KIAA1671: variants seen among roughly 807,000 people sequenced by gnomAD.
KIAA1671 encodes the protein KIAA1671, also known as uncharacterized protein KIAA1671.
KIAA1671 carries 52 observed loss-of-function variants against 131.2 expected under a neutral mutation model. That is an observed-to-expected ratio of 0.40 (90% CI 0.32 to 0.50). KIAA1671 has a LOEUF of 0.50. Among genes scored for constraint, KIAA1671 ranks in the 20% least tolerant of loss-of-function variants. KIAA1671 has a pLI of 0.73. For missense variants in KIAA1671, 2,360 were observed against 2,364.2 expected, an observed-to-expected ratio of 1.00 and a Z score of 0.04; for synonymous variants, 1,003 against 961.6, an observed-to-expected ratio of 1.04 and a Z score of -0.80.
intron 6 of KIAA1671, among the ~76,000 whole-genome samples, chr22:25,142,755 G>A (rs1460305591): frequency 3.3e-5 from 5 of 152,164 alleles, no homozygotes; most frequent in African/African-American, 9.7e-5. Context: ...TTCTGTAGTC[G>A]CTACTTGGGA....
intron 6 of KIAA1671, among the ~76,000 whole-genome samples, chr22:25,142,455 T>C (rs1007002914): frequency 2.1e-4 from 32 of 152,188 alleles, no homozygotes; most frequent in Non-Finnish European, 4.4e-5. Context: ...CCAGGATTTC[T>C]TGGCACCATC....
chr22:25,017,450 A>G (rs1925389687), intron 1 of KIAA1671, among the ~76,000 whole-genome samples: 1 of 152,170 alleles, frequency 6.6e-6, no homozygotes, highest in African/African-American at 2.4e-5. Flanking sequence ...GACATGGCAC[A>G]CTGGTGGGCA....
chr22:25,047,701 G>A (rs1927326247), intron 5 of KIAA1671, among the ~76,000 whole-genome samples: 2 of 152,224 alleles, frequency 1.3e-5, no homozygotes, highest in Admixed American at 1.3e-4. Context: ...TCAAACTCCT[G>A]ACCTCAGGTG....
intron 1 of KIAA1671, among the ~76,000 whole-genome samples, chr22:24,984,129 A>C (rs1275426352): frequency 2.0e-5 from 3 of 152,158 alleles, no homozygotes; most frequent in Admixed American, 2.0e-4. Context: ...CAGGGACATT[A>C]TGTGGTTGCA....
At chr22:25,174,110 G>A in intron 7 of KIAA1671, 130 bp from the exon 8 acceptor site, 1 of 1,021,412 alleles carries the variant, frequency 9.8e-7, no homozygotes, top group Non-Finnish European at 1.4e-6. Flanking sequence ...CTGCTGGGAT[G>A]TTCTGTCTGT....
intron 1 of KIAA1671, among the ~76,000 whole-genome samples, chr22:25,017,795 C>T (rs1925409859): frequency 6.6e-6 from 1 of 152,142 alleles, no homozygotes; most frequent in African/African-American, 2.4e-5. Context: ...TAAGCCAGGG[C>T]TTCTTACTCC....
chr22:25,112,649 C>T lies in KIAA1671; in HGVS notation c.4531-58171C>T, dbSNP rs61734236. 8.2e-3 allele frequency: 2,995 copies of T among 363,628 alleles called. 15 individuals are homozygous for T. Among genetic ancestry groups the T allele is most frequent in the Non-Finnish European group, 0.013 (2,558 of 204,400 alleles). 22.5% of individuals were successfully genotyped at this position (363,628 alleles called of 1,614,324 possible). ...AGAGGCACGTAGCAATAATTCCTCT[C>T]TCCTGAAGTCAGTCAGGACATTTTT... On this transcript the variant is annotated intron_variant, in intron 6 of 12. Transcript: ENST00000358431.
intron 6 of KIAA1671, among the ~76,000 whole-genome samples, chr22:25,092,058 A>G (rs1930052276): frequency 6.6e-6 from 1 of 152,182 alleles, no homozygotes; most frequent in Non-Finnish European, 1.5e-5. Context: ...CGACGCTGTT[A>G]TAGTCACCAA....
chr22:25,029,635 C>A (rs926408756), intron 3 of KIAA1671, 95 bp downstream of exon 3: 9 of 901,652 alleles, frequency 1.0e-5, no homozygotes, highest in Non-Finnish European at 1.3e-5. Context: ...TTGTCACCCC[C>A]CCTCAGTTTA....
intron 6 of KIAA1671, among the ~76,000 whole-genome samples, chr22:25,111,543 C>T (rs959202113): frequency 6.6e-6 from 1 of 152,194 alleles, no homozygotes; most frequent in South Asian, 2.1e-4. Flanking sequence ...TGGCTGCCTC[C>T]GGAAGTGAGC....
intron 6 of KIAA1671, among the ~76,000 whole-genome samples, chr22:25,079,086 G>C (rs935983602): frequency 2.0e-5 from 3 of 152,192 alleles, no homozygotes; most frequent in African/African-American, 7.2e-5. Flanking sequence ...GCATACAGTA[G>C]GTGCTGAATA....
rs183245290 is a variant in KIAA1671 at position 24,968,028 on chromosome 22, C to A, written c.-208+15256C>A. On this transcript the variant is annotated intron_variant, in intron 1 of 12. Coordinates refer to ENST00000358431, the MANE Select transcript of KIAA1671 (RefSeq NM_001145206.2). ...AAAAAAAGACTTGGATGAGACAGGA[C>A]GCTTTGGCAACCAGTAGACCACCTT... is the stretch of plus-strand genomic sequence containing the variant. Among the ~76,000 whole-genome samples the A allele has an allele frequency of 3.0e-3, 453 of 152,116 alleles. 8 individuals carry two copies. Among genetic ancestry groups the A allele is most frequent in the African/African-American group, 0.01 (435 of 41,508 alleles).
In KIAA1671 at chr22:25,119,276, C is replaced by A; in HGVS notation, c.4531-51544C>A. On this transcript the variant is annotated intron_variant, in intron 6 of 12. Transcript: ENST00000358431. ...ATAAGTGACACAGCCCTGGTGTACA[C>A]CTCTTAAGAGATGACAAGAAGTGTA... 1.3e-5 allele frequency among the ~76,000 whole-genome samples: 2 copies of A among 152,114 alleles called. 1 individual carries two copies. Among genetic ancestry groups the A allele is most frequent in the Non-Finnish European group, 2.9e-5 (2 of 68,024 alleles).
chr22:25,109,039 G>A (rs1188556484), intron 6 of KIAA1671, among the ~76,000 whole-genome samples: 1 of 152,022 alleles, frequency 6.6e-6, no homozygotes, highest in Non-Finnish European at 1.5e-5. Context: ...GCTTTCCCCA[G>A]TATGACCTCA....
At chr22:24,954,946 A>G (rs1249386635) in intron 1 of KIAA1671, among the ~76,000 whole-genome samples, 2 of 151,948 alleles carry the variant, frequency 1.3e-5, no homozygotes, top group African/African-American at 4.8e-5. Context: ...CTGCCCGGCT[A>G]ATTTTTGTAT....
chr22:25,183,302 C>T (rs1479501956), intron 10 of KIAA1671, among the ~76,000 whole-genome samples: 1 of 152,186 alleles, frequency 6.6e-6, no homozygotes, highest in East Asian at 1.9e-4. Context: ...TCTGTCATTT[C>T]TTCCACGAAT....
At chr22:24,983,610 G>T (rs1333749145) in intron 1 of KIAA1671, among the ~76,000 whole-genome samples, 1 of 151,524 alleles carries the variant, frequency 6.6e-6, no homozygotes, top group Non-Finnish European at 1.5e-5. Context: ...TGTATGGTGG[G>T]GGGGCGGGGG....
At chr22:25,056,746 G>A (rs2145829690) in intron 6 of KIAA1671, 1 of 148,992 alleles carries the variant, frequency 6.7e-6, no homozygotes, top group African/African-American at 2.5e-5. Flanking sequence ...CCCGGGAGGT[G>A]GAGTTGCAGT....
At chr22:25,137,089 A>G (rs1038246238) in intron 6 of KIAA1671, among the ~76,000 whole-genome samples, 1 of 152,118 alleles carries the variant, frequency 6.6e-6, no homozygotes, top group African/African-American at 2.4e-5. Flanking sequence ...ATATTTGCTA[A>G]CTCTAAATGA....
Sources: allele counts gnomAD v4.1 joint callset (sites outside exome capture counted in the v4.1 genomes callset), GRCh38; gene constraint gnomAD v4.1.1; transcripts MANE v1.5; gene names NCBI Gene and HGNC (gene_info 2026-07-23, HGNC 2026-07-21).